The following STRC variants were observed in gnomAD, a reference collection of about 807,000 sequenced individuals.
STRC encodes stereocilin.
In STRC, 43 loss-of-function variants were observed where a neutral mutation model predicts 103.5. That is an observed-to-expected ratio of 0.42 (90% CI 0.33 to 0.54). The LOEUF (loss-of-function observed/expected upper bound fraction) is 0.54, where lower values mean the gene tolerates loss of function less well. Ranked by LOEUF, STRC falls within the 20% of genes least tolerant of loss-of-function variation. The probability of loss-of-function intolerance (pLI) is 0.14; values close to 1 mark genes in which losing one functional copy is unlikely to be tolerated. For synonymous variants in STRC, 186 were observed against 442.3 expected (o/e 0.42, Z 7.27); for missense variants, 499 against 1,088.5 (o/e 0.46, Z 7.62).
rs1440784539 is a variant in STRC, at chr15:43,604,029, C to T, written c.4342G>A (p.Gly1448Arg). ...TCCTCAGCAGCTGGTCGCACCACCC[C>T]TGCTACCAGGGCTGCTTTCTTGGCA... is the stretch of plus-strand genomic sequence containing the variant. ...LAAKKAALVA[G>R]VVRPAAEDLP... Residue 1448 changes from glycine (G) to arginine (R), a missense_variant, in exon 22 of 29, where the codon GGG becomes AGG. Transcript: ENST00000450892. 2 of 1,613,244 alleles carry T rather than the reference C, an allele frequency of 1.2e-6. No homozygotes were observed. Among genetic ancestry groups the T allele is most frequent in the Non-Finnish European group, 1.7e-6 (2 of 1,179,686 alleles).
chr15:43,610,678 T>A, intron 14 of STRC: 1 of 592,412 alleles, frequency 1.7e-6, no homozygotes, highest in Non-Finnish European at 2.9e-6. Context: ...CTTGGTCTTT[T>A]CATCTGAAAG....
intron 15 of STRC, chr15:43,609,595 A>T: frequency 2.0e-6 from 1 of 497,896 alleles, no homozygotes; most frequent in Non-Finnish European, 3.6e-6. Flanking sequence ...CAGGTCTGTA[A>T]TCCCAGCACT....
chr15:43,603,610 T>C, intron 22 of STRC, 199 bp from the exon 23 acceptor site: 2 of 688,956 alleles, frequency 2.9e-6, no homozygotes, highest in East Asian at 2.8e-5. Flanking sequence ...CCAAGACTTT[T>C]ATAGATGGAA....
chr15:43,611,078 A>C (rs1320194656), intron 13 of STRC, 70 bp downstream of exon 13: 1 of 1,569,358 alleles, frequency 6.4e-7, no homozygotes, highest in African/African-American at 1.4e-5. Flanking sequence ...GGCCTCAGGG[A>C]AGATGCCTTC....
chr15:43,601,370 GCCGTAGGGAGGAGGAAAAGTGTTA>G lies in STRC; in HGVS notation c.4701+2_4701+25del. 1 of 1,612,128 alleles carries G rather than the reference GCCGTAGGGAGGAGGAAAAGTGTTA, an allele frequency of 6.2e-7. No individual in the cohort carries two copies. The highest frequency in any genetic ancestry group is 1.3e-5 in the African/African-American group (1 of 74,896). ...GGTCTGTGGGATGGGTGTTTGGGAA[GCCGTAGGGAGGAGGAAAAGTGTTA>G]CCTGAGTGGTGCTCCAGCCATCTAT... On this transcript the variant is annotated splice_donor_variant and splice_donor_5th_base_variant and intron_variant, in intron 24 of 28. Coordinates refer to ENST00000450892, the MANE Select transcript of STRC (RefSeq NM_153700.2). LOFTEE classifies it high-confidence loss of function.
chr15:43,600,816 C>G (rs1425401483), intron 25 of STRC, 56 bp downstream of exon 25: 1 of 1,613,468 alleles, frequency 6.2e-7, no homozygotes, highest in Non-Finnish European at 8.5e-7. Context: ...TCCTTCTTTC[C>G]CCAGTAAGTC....
Position 43,610,987 on chromosome 15 carries a change from G to C in STRC, c.3307-3C>G, listed in dbSNP as rs2085742618. On this transcript the variant is annotated splice_polypyrimidine_tract_variant and splice_region_variant and intron_variant, in intron 13 of 28. Transcript: ENST00000450892. ...ATATTTTTAACACCATCTTTAACCT[G>C]CATGAGAATTGGTTGTGTGTGTGTG... 6.3e-7 allele frequency: 1 copy of C among 1,588,152 alleles called. No individual in the cohort carries two copies. The highest frequency in any genetic ancestry group is 8.6e-7 in the Non-Finnish European group (1 of 1,167,932).
At chr15:43,603,496 A>C in intron 22 of STRC, 85 bp from the exon 23 acceptor site, 1 of 1,420,308 alleles carries the variant, frequency 7.0e-7, no homozygotes, top group East Asian at 2.3e-5. Context: ...GAGTCTTCCA[A>C]CCTTTGGAGG....
At chr15:43,601,972 T>C (rs2085672478) in intron 23 of STRC, among the ~76,000 whole-genome samples, 1 of 151,114 alleles carries the variant, frequency 6.6e-6, no homozygotes, top group Non-Finnish European at 1.5e-5. Context: ...ATACAAAAAT[T>C]AGCCAGGTGT....
Position 43,600,547 on chromosome 15 carries a change from A to C in STRC, c.4980T>G (p.Ile1660Met), listed in dbSNP as rs762892344. The change falls in exon 26 of 29, where the codon ATT becomes ATG. Residue 1660 changes from isoleucine (I) to methionine (M), a missense_variant. Ile to Met is a conservative substitution (Grantham distance 10). Coordinates refer to ENST00000450892, the MANE Select transcript of STRC (RefSeq NM_153700.2). Reference protein sequence around the residue: ...SNWGPEIFTEIGTIAAGIPDL... With the variant: ...SNWGPEIFTEMGTIAAGIPDL... ...CCAGCTCCCCACCTGCTATGGTGCC[A>C]ATTTCAGTGAAGATCTCAGGCCCCC... is the stretch of plus-strand genomic sequence containing the variant. 23 of 1,613,296 alleles carry C rather than the reference A, an allele frequency of 1.4e-5. No homozygotes were observed. The African/African-American group carries it at 2.1e-4, about 15-fold the overall frequency.
At chr15:43,603,184 T>C in intron 23 of STRC, 58 bp downstream of exon 23, 1 of 1,574,328 alleles carries the variant, frequency 6.4e-7, no homozygotes, top group South Asian at 1.1e-5. Flanking sequence ...CTTTGTGTCC[T>C]ACATCACACC....
Position 43,605,394 on chromosome 15 carries a change from T to C in STRC, c.3800A>G (p.Gln1267Arg), listed in dbSNP as rs1396411226. The change falls in exon 19 of 29, where the codon CAG becomes CGG. Residue 1267 changes from glutamine to arginine, a missense_variant. Coordinates refer to ENST00000450892, the MANE Select transcript of STRC (RefSeq NM_153700.2). ...TTCATTGGATAGTCTGTCCATCAAC[T>C]GGATCCTATTACAGCAATTTGACAA... Reference protein sequence around the residue: ...DSKLLLDLPIQLMDRLSNESI... With the variant: ...DSKLLLDLPIRLMDRLSNESI... The C allele has an allele frequency of 2.5e-6, 4 of 1,601,782 alleles. No homozygotes were observed. The highest frequency in any genetic ancestry group is 3.3e-4 in the Middle Eastern group (2 of 6,058).
intron 24 of STRC, 31 bp downstream of exon 24, chr15:43,601,365 G>A (rs777067338): frequency 6.2e-7 from 1 of 1,611,902 alleles, no homozygotes; most frequent in East Asian, 2.2e-5. Context: ...ATGGGTGTTT[G>A]GGAAGCCGTA....
chr15:43,603,478 GATA>G, intron 22 of STRC, 67 bp from the exon 23 acceptor site: 5 of 1,524,524 alleles, frequency 3.3e-6, no homozygotes, highest in Non-Finnish European at 4.5e-6. Context: ...GATATCTGTA[GATA>G]GAGTGAGTCT....
At chr15:43,603,691 C>G (rs1443396121) in intron 22 of STRC, 1 of 636,488 alleles carries the variant, frequency 1.6e-6, no homozygotes, top group Non-Finnish European at 2.7e-6. Context: ...CTCACAATGT[C>G]TCCTTCAAAG....
At chr15:43,602,934 T>C (rs1378326197) in intron 23 of STRC, among the ~76,000 whole-genome samples, 2 of 151,532 alleles carry the variant, frequency 1.3e-5, no homozygotes, top group Non-Finnish European at 2.9e-5. Context: ...CGTGAGCCGC[T>C]GCACCCAGCC....
chr15:43,600,344 C>T (rs1476887977), intron 26 of STRC, 51 bp from the exon 27 acceptor site: 1 of 807,498 alleles, frequency 1.2e-6, no homozygotes, highest in Non-Finnish European at 2.1e-6. Flanking sequence ...CCTTCCCTCT[C>T]TTCAAACCTA....
At chr15:43,609,987 G>A in intron 15 of STRC, 1 of 281,948 alleles carries the variant, frequency 3.5e-6, no homozygotes, top group East Asian at 7.8e-5. Context: ...TTGTGCCACT[G>A]TACTCAAGCC....
chr15:43,606,841 A>C (rs2085713365), intron 18 of STRC, among the ~76,000 whole-genome samples: 1 of 99,506 alleles, frequency 1.0e-5, no homozygotes, highest in Admixed American at 1.1e-4. Flanking sequence ...CCCTACAACA[A>C]ATACAAAAAT....
Sources: gnomAD v4.1 joint callset for allele counts (sites outside exome capture counted in the v4.1 genomes callset) on GRCh38, gnomAD v4.1.1 for gene constraint, MANE v1.5 for transcripts, NCBI Gene and HGNC (gene_info 2026-07-23, HGNC 2026-07-21) for gene names.